DCDC2: variants seen among roughly 807,000 people sequenced by gnomAD.
DCDC2 encodes doublecortin domain containing 2, also known as doublecortin domain-containing protein 2.
In DCDC2, 40 loss-of-function variants were observed where a neutral mutation model predicts 50.2. That is an observed-to-expected ratio of 0.80 (90% CI 0.62 to 1.04). The LOEUF (loss-of-function observed/expected upper bound fraction) is 1.04, where lower values mean the gene tolerates loss of function less well. Ranked by LOEUF, DCDC2 falls within the 50% of genes least tolerant of loss-of-function variation. DCDC2 has a pLI of 0.00. For synonymous variants in DCDC2, 234 were observed against 210.6 expected (o/e 1.11, Z -0.96); for missense variants, 570 against 581.9 (o/e 0.98, Z 0.21).
chr6:24,189,429 G>C (rs1455597736), intron 8 of DCDC2, among the ~76,000 whole-genome samples: 1 of 152,178 alleles, frequency 6.6e-6, no homozygotes, highest in East Asian at 1.9e-4. Context: ...ACAGGCAGAT[G>C]GGGCTGCCCA....
chr6:24,360,063 T>C (rs576398452), upstream of DCDC2, among the ~76,000 whole-genome samples: 91 of 152,296 alleles, frequency 6.0e-4, no homozygotes, highest in African/African-American at 2.2e-3. Context: ...CTGCGGCGGC[T>C]GCGCGCCGCT....
Position 24,326,266 on chromosome 6 carries a change from G to A in DCDC2, c.349-24222C>T, listed in dbSNP as rs1407863863. On this transcript the variant is annotated intron_variant, in intron 2 of 9. Coordinates refer to ENST00000378454, the MANE Select transcript of DCDC2 (RefSeq NM_016356.5). ...GGAAATCAGACCTTTTCATTTCATC[G>A]GGATACCTACCACCTCTCTTTTTGA... 2.0e-5 allele frequency among the ~76,000 whole-genome samples: 3 copies of A among 148,276 alleles called. 1 individual carries two copies. Among genetic ancestry groups the A allele is most frequent in the Non-Finnish European group, 4.5e-5 (3 of 66,752 alleles).
At chr6:24,235,334 T>C (rs890016198) in intron 7 of DCDC2, among the ~76,000 whole-genome samples, 1 of 152,180 alleles carries the variant, frequency 6.6e-6, no homozygotes, top group Non-Finnish European at 1.5e-5. Context: ...TTACTTATTA[T>C]ACAAAGTGGA....
At chr6:24,211,082 T>C (rs1397758729) in intron 7 of DCDC2, among the ~76,000 whole-genome samples, 1 of 152,250 alleles carries the variant, frequency 6.6e-6, no homozygotes, top group Non-Finnish European at 1.5e-5. Flanking sequence ...TGCCTTGCAC[T>C]TACTGTGTTT....
At chr6:24,220,719 C>T (rs1762079126) in intron 7 of DCDC2, among the ~76,000 whole-genome samples, 1 of 152,126 alleles carries the variant, frequency 6.6e-6, no homozygotes, top group Admixed American at 6.5e-5. Context: ...GAAGAACTGC[C>T]TGAGACTAGG....
intron 8 of DCDC2, among the ~76,000 whole-genome samples, chr6:24,181,852 T>A (rs1322929051): frequency 6.6e-6 from 1 of 152,094 alleles, no homozygotes. Context: ...GGACCCTGAG[T>A]GGCCAAAACA....
At chr6:24,178,296 C>CATT in intron 9 of DCDC2, 34 bp downstream of exon 9, 1 of 1,591,764 alleles carries the variant, frequency 6.3e-7, no homozygotes, top group Non-Finnish European at 8.6e-7. Flanking sequence ...CATATTCATG[C>CATT]ATTCACATAA....
intron 7 of DCDC2, among the ~76,000 whole-genome samples, chr6:24,258,627 C>T (rs1561746734): frequency 6.6e-6 from 1 of 152,198 alleles, no homozygotes; most frequent in Non-Finnish European, 1.5e-5. Context: ...AAATGTGAAC[C>T]TCAGAGAGCC....
chr6:24,291,584 CA>C (rs1206964350), intron 4 of DCDC2, among the ~76,000 whole-genome samples: 1 of 138,750 alleles, frequency 7.2e-6, no homozygotes, highest in African/African-American at 2.6e-5. Flanking sequence ...CTCCCGGGTT[CA>C]TGCCATTCTC....
chr6:24,220,891 T>TGAGCGAGCGAGA (rs1762094902), intron 7 of DCDC2, among the ~76,000 whole-genome samples: 1 of 98,970 alleles, frequency 1.0e-5, no homozygotes, highest in African/African-American at 3.9e-5. Context: ...AGCGAGAGAG[T>TGAGCGAGCGAGA]GAGCGAGCGA....
In DCDC2 at chr6:24,289,074, A is replaced by G. The variant is rs73396009; in HGVS notation, c.705-168T>C. ...CTTTCCCAATTTCACAAAGATCATA[A>G]CATTTCCAAATTCCATCCCAAAAGA... On this transcript the variant is annotated intron_variant, in intron 5 of 9. Transcript: ENST00000378454. Among the ~76,000 whole-genome samples the G allele has an allele frequency of 0.037, 5,607 of 152,322 alleles. 306 individuals carry two copies. The highest frequency in any genetic ancestry group is 0.12 in the African/African-American group (5,173 of 41,542).
chr6:24,243,146 G>T (rs1762600616), intron 7 of DCDC2, among the ~76,000 whole-genome samples: 1 of 152,220 alleles, frequency 6.6e-6, no homozygotes, highest in Admixed American at 6.5e-5. Context: ...GACACTGCCA[G>T]ACTCAAACAA....
Position 24,207,045 on chromosome 6 carries a change from A to G in DCDC2, c.923-1943T>C, listed in dbSNP as rs142353600. Among the ~76,000 whole-genome samples the G allele has an allele frequency of 1.2e-4, 19 of 152,332 alleles. No homozygotes were observed. In the East Asian group the frequency reaches 3.7e-3, roughly 29 times the overall value. Reference sequence around the variant, plus strand: ...TTGTGATAGGCCTACTAGAATTTTCATTTTTACCATAAACATTATATAAAA... The same window carrying G: ...TTGTGATAGGCCTACTAGAATTTTCGTTTTTACCATAAACATTATATAAAA... On this transcript the variant is annotated intron_variant, in intron 7 of 9. Transcript: ENST00000378454.
At chr6:24,334,943 A>G (rs1198773222) in intron 2 of DCDC2, among the ~76,000 whole-genome samples, 1 of 152,206 alleles carries the variant, frequency 6.6e-6, no homozygotes, top group Non-Finnish European at 1.5e-5. Flanking sequence ...GAGCAGTCAC[A>G]AGAGGGCGGC....
Position 24,200,891 on chromosome 6 carries a change from A to G in DCDC2, c.1023+4111T>C, listed in dbSNP as rs368610309. Among the ~76,000 whole-genome samples the G allele has an allele frequency of 8.8e-4, 134 of 152,310 alleles. No homozygotes were observed. The South Asian group carries it at 0.026, about 30-fold the overall frequency. On this transcript the variant is annotated intron_variant, in intron 8 of 9. Coordinates refer to ENST00000378454, the MANE Select transcript of DCDC2 (RefSeq NM_016356.5). Reference sequence around the variant, plus strand: ...CTGATAAAATAGACTTTAAGCCAACAAAGAACAAAAAAGACAAAGAAGGCC... The same window carrying G: ...CTGATAAAATAGACTTTAAGCCAACGAAGAACAAAAAAGACAAAGAAGGCC...
At chr6:24,253,015 C>A (rs1169407697) in intron 7 of DCDC2, among the ~76,000 whole-genome samples, 1 of 151,908 alleles carries the variant, frequency 6.6e-6, no homozygotes, top group Non-Finnish European at 1.5e-5. Flanking sequence ...TAAGACAAAT[C>A]AAAACATGTT....
chr6:24,332,862 T>C (rs1033152738), intron 2 of DCDC2, among the ~76,000 whole-genome samples: 1 of 152,144 alleles, frequency 6.6e-6, no homozygotes, highest in African/African-American at 2.4e-5. Flanking sequence ...GGTATAAAAA[T>C]GAGTATAAAC....
At chr6:24,249,475 C>T (rs560989472) in intron 7 of DCDC2, among the ~76,000 whole-genome samples, 74 of 152,206 alleles carry the variant, frequency 4.9e-4, no homozygotes, top group Middle Eastern at 3.2e-3. Context: ...AGCTGTGCTG[C>T]TATGATATAC....
the DCDC2 span, among the ~76,000 whole-genome samples, chr6:24,381,769 A>G: frequency 6.7e-6 from 1 of 149,326 alleles, no homozygotes; most frequent in South Asian, 2.2e-4. Flanking sequence ...ACACAATAAG[A>G]TCTCATCACT....
Sources: allele counts gnomAD v4.1 joint callset (sites outside exome capture counted in the v4.1 genomes callset), GRCh38; gene constraint gnomAD v4.1.1; transcripts MANE v1.5; gene names NCBI Gene and HGNC (gene_info 2026-07-23, HGNC 2026-07-21).